USH2A: variants seen among roughly 807,000 people sequenced by gnomAD.
The protein encoded by USH2A is usherin, also known as Usher syndrome 2A (autosomal recessive, mild).
USH2A carries 443 observed loss-of-function variants against 538.9 expected under a neutral mutation model. That is an observed-to-expected ratio of 0.82 (90% CI 0.76 to 0.89). The LOEUF (loss-of-function observed/expected upper bound fraction) is 0.89. USH2A is among the 40% of genes least tolerant of loss of function. The pLI, the probability that USH2A is intolerant of heterozygous loss-of-function variation, is 0.00. For missense variants in USH2A, 6,633 were observed against 6,324.8 expected, an observed-to-expected ratio of 1.05 and a Z score of -1.65; for synonymous variants, 2,413 against 2,273.5, an observed-to-expected ratio of 1.06 and a Z score of -1.75.
chr1:215,773,481 TCTGTCTC>T (rs1330890284), intron 55 of USH2A, among the ~76,000 whole-genome samples: 4 of 120,278 alleles, frequency 3.3e-5, no homozygotes, highest in African/African-American at 1.7e-4. Flanking sequence ...CGGATGTCTC[TCTGTCTC>T]TCTGTCTCTC....
intron 61 of USH2A, among the ~76,000 whole-genome samples, chr1:215,695,567 G>A (rs1357771804): frequency 2.0e-5 from 3 of 152,222 alleles, no homozygotes; most frequent in South Asian, 2.1e-4. Context: ...TCTAGTCAAG[G>A]AAATTTAGTT....
intron 44 of USH2A, among the ~76,000 whole-genome samples, chr1:215,851,926 G>A (rs144879701): frequency 7.5e-4 from 114 of 152,164 alleles, no homozygotes; most frequent in African/African-American, 2.6e-3. Context: ...AAACAGAATT[G>A]AAAACAAAAA....
intron 20 of USH2A, among the ~76,000 whole-genome samples, chr1:216,182,237 C>T (rs927075511): frequency 6.6e-6 from 1 of 151,950 alleles, no homozygotes; most frequent in African/African-American, 2.4e-5. Flanking sequence ...AATTTCTTTC[C>T]TTGCAGTTTT....
chr1:215,671,210 G>T lies in USH2A; in HGVS notation c.13895C>A (p.Pro4632His). 5 of 1,614,140 alleles carry T rather than the reference G, an allele frequency of 3.1e-6. No homozygotes were observed. Among genetic ancestry groups the T allele is most frequent in the Non-Finnish European group, 4.2e-6 (5 of 1,180,018 alleles). ...WTFIQTPEIA[P>H]LMQPPPHLEV... is the part of the protein sequence containing the mutation. ...CAGATGTGGAGGGGGTTGCATCAAA[G>T]GTGCAATCTCAGGGGTCTGTATGAA... Residue 4632 changes from proline to histidine, a missense_variant, in exon 64 of 72, where the codon CCT becomes CAT. Pro to His is a moderately conservative substitution (Grantham distance 77). Coordinates refer to ENST00000307340, the MANE Select transcript of USH2A (RefSeq NM_206933.4).
intron 26 of USH2A, among the ~76,000 whole-genome samples, chr1:216,081,567 G>A (rs1057503600): frequency 2.6e-5 from 4 of 151,908 alleles, no homozygotes; most frequent in Admixed American, 2.0e-4. Context: ...TAGGCACTCC[G>A]TATATATTTA....
intron 30 of USH2A, among the ~76,000 whole-genome samples, chr1:216,062,244 G>A (rs2031210523): frequency 6.6e-6 from 1 of 152,062 alleles, no homozygotes; most frequent in Admixed American, 6.6e-5. Flanking sequence ...AAATAACTTG[G>A]AATCCACTAA....
At chr1:216,060,989 G>A (rs1295463579) in intron 30 of USH2A, among the ~76,000 whole-genome samples, 5 of 152,136 alleles carry the variant, frequency 3.3e-5, no homozygotes, top group Non-Finnish European at 5.9e-5. Flanking sequence ...AGATACACAG[G>A]AGTGATAACT....
chr1:215,901,266 T>C, intron 38 of USH2A: 1 of 354,690 alleles, frequency 2.8e-6, no homozygotes, highest in Non-Finnish European at 5.5e-6. Context: ...ACCAAACAAT[T>C]GAACACTGAA....
At chr1:216,280,338 A>G (rs1178699650) in intron 11 of USH2A, among the ~76,000 whole-genome samples, 1 of 151,954 alleles carries the variant, frequency 6.6e-6, no homozygotes, top group Non-Finnish European at 1.5e-5. Flanking sequence ...TTTTTGGTTC[A>G]TGTATCCCTT....
At position 216,395,915 on chromosome 1, in the gene USH2A, A is replaced by G. The variant is rs146101552; in HGVS notation, c.651+22599T>C. Among the ~76,000 whole-genome samples the G allele has an allele frequency of 3.3e-3, 497 of 152,316 alleles. 3 individuals are homozygous for G. The highest frequency in any genetic ancestry group is 0.011 in the African/African-American group (471 of 41,574). The stretch of plus-strand genomic sequence containing the variant: ...ATTATCTATTCAAGAAAGTACATAT[A>G]CTAATAAAAATGTAAGCACAAACAA... On this transcript the variant is annotated intron_variant, in intron 3 of 71. Transcript: ENST00000307340.
chr1:215,896,191 A>C (rs1450093838), intron 40 of USH2A, among the ~76,000 whole-genome samples: 4 of 152,196 alleles, frequency 2.6e-5, no homozygotes, highest in Non-Finnish European at 5.9e-5. Flanking sequence ...CTCTTAGACT[A>C]GTGGTTAAAA....
intron 3 of USH2A, among the ~76,000 whole-genome samples, chr1:216,377,819 G>GAGAAGGAAAGAAATAA: frequency 5.1e-4 from 9 of 17,702 alleles, no homozygotes; most frequent in African/African-American, 1.5e-3. Context: ...AAGAAAGAAA[G>GAGAAGGAAAGAAATAA]AAAGAAAGAA....
intron 58 of USH2A, among the ~76,000 whole-genome samples, chr1:215,753,137 C>T (rs1316054810): frequency 1.2e-4 from 19 of 152,074 alleles, no homozygotes; most frequent in Admixed American, 1.2e-3. Flanking sequence ...GTTAGAATGG[C>T]AATCATTAAA....
At chr1:215,953,866 A>G (rs1211416661) in intron 37 of USH2A, among the ~76,000 whole-genome samples, 1 of 152,066 alleles carries the variant, frequency 6.6e-6, no homozygotes, top group Non-Finnish European at 1.5e-5. Context: ...CAAATTTACA[A>G]GAAAAAAACA....
chr1:216,026,461 C>A (rs771740769), intron 32 of USH2A, among the ~76,000 whole-genome samples: 28 of 152,044 alleles, frequency 1.8e-4, no homozygotes, highest in Non-Finnish European at 4.0e-4. Context: ...AACATTTTAT[C>A]CAATGTATGT....
In USH2A at chr1:215,888,965, C is replaced by T; in HGVS notation, c.7684G>A (p.Val2562Ile). Residue 2562 changes from valine to isoleucine, a missense_variant, in exon 41 of 72, where the codon GTT becomes ATT. Physicochemically the swap from Val to Ile is conservative, Grantham distance 29. Transcript: ENST00000307340. ...TWQHPRKSNG[V>I]ITHYNIYLHG... The stretch of plus-strand genomic sequence containing the variant: ...AGATAAATGTTATAATGGGTAATAA[C>T]CCCATTGGATTTTCTAGGATGCTGC... 1.2e-6 allele frequency: 2 copies of T among 1,614,054 alleles called. No homozygotes were observed.
At position 216,066,406 on chromosome 1, in the gene USH2A, C is replaced by T. The variant is rs1055675835; in HGVS notation, c.6049+3695G>A. 3.9e-5 allele frequency among the ~76,000 whole-genome samples: 6 copies of T among 152,050 alleles called. No homozygotes were observed. In the South Asian group the frequency reaches 6.2e-4, roughly 16 times the overall value. On this transcript the variant is annotated intron_variant, in intron 30 of 71. Transcript: ENST00000307340. Reference sequence around the variant, plus strand: ...GCGTAAACCTGGGAGGCGGAGCTTGCAGTGAGCAGAGATTGCGCCACTGCA... The same window carrying T: ...GCGTAAACCTGGGAGGCGGAGCTTGTAGTGAGCAGAGATTGCGCCACTGCA...
At chr1:215,779,747 C>T in intron 55 of USH2A, 96 bp downstream of exon 55, 1 of 1,435,456 alleles carries the variant, frequency 7.0e-7, no homozygotes, top group Non-Finnish European at 9.6e-7. Flanking sequence ...TTCGAAGTGA[C>T]CTCATATATC....
Position 216,132,801 on chromosome 1 carries a change from T to C in USH2A, c.4628-35588A>G, listed in dbSNP as rs531027079. ...CTTGAAAATCCTCTCTGGGGACACA[T>C]GACACTTCAGATCATCTTTCCCTCT... On this transcript the variant is annotated intron_variant, in intron 21 of 71. Transcript: ENST00000307340. Among the ~76,000 whole-genome samples the C allele has an allele frequency of 1.1e-3, 172 of 152,168 alleles. 1 individual carries two copies. Among genetic ancestry groups the C allele is most frequent in the African/African-American group, 4.1e-3 (169 of 41,540 alleles).
Sources: allele counts gnomAD v4.1 joint callset (sites outside exome capture counted in the v4.1 genomes callset), GRCh38; gene constraint gnomAD v4.1.1; transcripts MANE v1.5; gene names NCBI Gene and HGNC (gene_info 2026-07-23, HGNC 2026-07-21).